TBCD: variants seen among roughly 807,000 people sequenced by gnomAD.
The protein encoded by TBCD is tubulin folding cofactor D.
In TBCD, 105 loss-of-function variants were observed where a neutral mutation model predicts 169.3. That is an observed-to-expected ratio of 0.62 (90% CI 0.53 to 0.73). The LOEUF (loss-of-function observed/expected upper bound fraction) is 0.73. Ranked by LOEUF, TBCD falls within the 30% of genes least tolerant of loss-of-function variation. The probability of loss-of-function intolerance (pLI) is 0.00; values close to 1 mark genes in which losing one functional copy is unlikely to be tolerated. For missense variants in TBCD, 1,444 were observed against 1,600.1 expected (o/e 0.90, Z 1.66); for synonymous variants, 700 against 643.9 (o/e 1.09, Z -1.32).
intron 13 of TBCD, among the ~76,000 whole-genome samples, chr17:82,824,997 C>G (rs1033474652): frequency 6.6e-6 from 1 of 151,722 alleles, no homozygotes; most frequent in Non-Finnish European, 1.5e-5. Context: ...TAGAGATAGA[C>G]ACAAAGGGCT....
chr17:82,809,510 T>C (rs2051271535), intron 11 of TBCD, among the ~76,000 whole-genome samples, 198 bp from the exon 12 acceptor site: 1 of 152,180 alleles, frequency 6.6e-6, no homozygotes, highest in African/African-American at 2.4e-5. Context: ...CCCCTTTGAA[T>C]CTGGCTGCAG....
At chr17:82,763,435 G>GT (rs1397298054) in intron 2 of TBCD, among the ~76,000 whole-genome samples, 2 of 151,962 alleles carry the variant, frequency 1.3e-5, no homozygotes, top group Admixed American at 1.3e-4. Flanking sequence ...GTTTGTTTTT[G>GT]TTTTTTAAGA....
rs1353191780 is a variant in TBCD at position 82,923,848 on chromosome 17, C to G, written c.2260+115C>G. On this transcript the variant is annotated intron_variant, in intron 26 of 38. Coordinates refer to ENST00000355528, the MANE Select transcript of TBCD (RefSeq NM_005993.5). The surrounding 1 kb of genome is among the most constrained non-coding windows in gnomAD (Gnocchi z 4.6). Reference sequence around the variant, plus strand: ...TGCAGTGGAGCAGAGCCACCACGATCATGGCTGGAGTGGGACTGTTCGGGT... The same window carrying G: ...TGCAGTGGAGCAGAGCCACCACGATGATGGCTGGAGTGGGACTGTTCGGGT... 1.2e-6 allele frequency: 1 copy of G among 837,482 alleles called. No homozygotes were observed. The highest frequency in any genetic ancestry group is 1.9e-6 in the Non-Finnish European group (1 of 538,218). The allele number at this position is 837,482 out of a possible 1,614,324, so 51.9% of individuals were successfully genotyped here.
chr17:82,853,498 G>A (rs1448684528), intron 13 of TBCD, among the ~76,000 whole-genome samples: 1 of 152,016 alleles, frequency 6.6e-6, no homozygotes, highest in East Asian at 1.9e-4. Context: ...GAACTCATGG[G>A]CTAGATCCAT....
In TBCD at chr17:82,911,767, A is replaced by G. The variant is rs773620251; in HGVS notation, c.2016A>G (p.Gly672=). The stretch of plus-strand genomic sequence containing the variant: ...TTTCATTCCTTTTCAGGGGTCTGGG[A>G]GGACAGCTCATGAGACAAGCAGGTA... ...LYDRQLYRGL[G]GQLMRQAVCV... The change falls in exon 23 of 39, where the codon GGA becomes GGG. Residue 672 remains glycine, a synonymous_variant. Transcript: ENST00000355528. 2 of 1,613,754 alleles carry G rather than the reference A, an allele frequency of 1.2e-6. No homozygotes were observed. Among genetic ancestry groups the G allele is most frequent in the East Asian group, 2.2e-5 (1 of 44,896 alleles).
intron 34 of TBCD, among the ~76,000 whole-genome samples, chr17:82,933,324 G>T (rs1383768743): frequency 2.0e-5 from 3 of 148,766 alleles, no homozygotes; most frequent in Non-Finnish European, 4.4e-5. Flanking sequence ...TCCCAGGCTG[G>T]AGTGCAGTGG....
At chr17:82,758,111 G>A (rs970050706) in intron 2 of TBCD, among the ~76,000 whole-genome samples, 1 of 151,914 alleles carries the variant, frequency 6.6e-6, no homozygotes, top group East Asian at 1.9e-4. Flanking sequence ...GTTTTTCGCC[G>A]GGTGTGGTGG....
At chr17:82,770,139 T>A (rs1246287014) in intron 5 of TBCD, among the ~76,000 whole-genome samples, 3 of 152,214 alleles carry the variant, frequency 2.0e-5, no homozygotes, top group African/African-American at 7.2e-5. Flanking sequence ...CATGACCTGC[T>A]GTTCTGAGTC....
rs2063535086 is a variant in TBCD, at chr17:82,944,442, C to T, written c.*1979C>T. The T allele has an allele frequency of 6.6e-6, 1 of 152,186 alleles. No individual in the cohort carries two copies. Among genetic ancestry groups the T allele is most frequent in the Non-Finnish European group, 1.5e-5 (1 of 68,052 alleles). 9.4% of individuals were successfully genotyped at this position (152,186 alleles called of 1,614,324 possible). Reference sequence around the variant, plus strand: ...GCTGGGGCAGACAATAGCAAATGAACAAGCAAGCACCATCAAGGCAGGCAA... The same window carrying T: ...GCTGGGGCAGACAATAGCAAATGAATAAGCAAGCACCATCAAGGCAGGCAA... On this transcript the variant is annotated 3_prime_UTR_variant, in exon 39 of 39. Transcript: ENST00000355528.
At chr17:82,937,204 CAG>C (rs2062703814) in intron 34 of TBCD, 65 bp from the exon 35 acceptor site, 25 of 1,465,154 alleles carry the variant, frequency 1.7e-5, no homozygotes, top group Non-Finnish European at 2.2e-5. Flanking sequence ...TTCTTTGAGA[CAG>C]AAAAAGTGTG....
intron 14 of TBCD, among the ~76,000 whole-genome samples, chr17:82,872,327 T>C (rs924246018): frequency 3.9e-5 from 6 of 152,224 alleles, no homozygotes; most frequent in African/African-American, 1.4e-4. Flanking sequence ...CTGGGGTGGC[T>C]GAGAGCGGCT....
At position 82,832,627 on chromosome 17, in the gene TBCD, C is replaced by T. The variant is rs149771609; in HGVS notation, c.1318+17693C>T. 9.9e-4 allele frequency: 653 copies of T among 658,664 alleles called. 1 individual carries two copies. The African/African-American group carries it at 0.01, about 10-fold the overall frequency. 40.8% of individuals were successfully genotyped at this position (658,664 alleles called of 1,614,324 possible). A position where few individuals can be genotyped will look rare whatever the true frequency, so the allele number is the denominator to read the frequency against. On this transcript the variant is annotated intron_variant, in intron 13 of 38. Transcript: ENST00000355528. The surrounding 1 kb of genome is among the most constrained non-coding windows in gnomAD (Gnocchi z 4.9). ...TCTGGCGAGAGCCTCCGTCATCTGGCGGCTGGGAGCTGTAATAAAGAGCAG... is the reference window on the plus strand; with the variant it reads ...TCTGGCGAGAGCCTCCGTCATCTGGTGGCTGGGAGCTGTAATAAAGAGCAG...
chr17:82,933,259 C>T (rs6502017), intron 34 of TBCD, among the ~76,000 whole-genome samples: 73,094 of 146,446 alleles, frequency 0.5, 18,472 homozygotes, highest in East Asian at 0.65. Context: ...TGAATTTCAC[C>T]GTGTTGGGCC....
At chr17:82,801,734 A>G (rs658809) in intron 9 of TBCD, among the ~76,000 whole-genome samples, 49,013 of 80,420 alleles carry the variant, frequency 0.61, 11,761 homozygotes, top group African/African-American at 0.71. Context: ...CAGGAGGGTG[A>G]CGTGTGCGTG....
chr17:82,782,687 C>G lies in TBCD; in HGVS notation c.771+966C>G, dbSNP rs529257065. Among the ~76,000 whole-genome samples the G allele has an allele frequency of 3.3e-5, 5 of 152,258 alleles. No homozygotes were observed. In the South Asian group the frequency reaches 1.0e-3, roughly 32 times the overall value. On this transcript the variant is annotated intron_variant, in intron 7 of 38. Coordinates refer to ENST00000355528, the MANE Select transcript of TBCD (RefSeq NM_005993.5). The surrounding 1 kb of genome is among the most constrained non-coding windows in gnomAD (Gnocchi z 5.1). ...GTTTTAGGGGAGATGATGAGTGCCA[C>G]CTCGCCACGGCGTCCTCCTGTCCGT...
chr17:82,832,682 C>A lies in TBCD; in HGVS notation c.1318+17748C>A. The A allele has an allele frequency of 3.4e-6, 2 of 581,218 alleles. No homozygotes were observed. The highest frequency in any genetic ancestry group is 6.1e-6 in the Non-Finnish European group (2 of 327,330). The allele number at this position is 581,218 out of a possible 1,614,324, so 36.0% of individuals were successfully genotyped here. A position where few individuals can be genotyped will look rare whatever the true frequency, so the allele number is the denominator to read the frequency against. ...GGTGTCAGGACAGCGAGTGAGGGGTCGGCGAGAAGCCGGCCTCGGCTCGCC... is the reference window on the plus strand; with the variant it reads ...GGTGTCAGGACAGCGAGTGAGGGGTAGGCGAGAAGCCGGCCTCGGCTCGCC... On this transcript the variant is annotated intron_variant, in intron 13 of 38. Coordinates refer to ENST00000355528, the MANE Select transcript of TBCD (RefSeq NM_005993.5). The surrounding 1 kb of genome is among the most constrained non-coding windows in gnomAD (Gnocchi z 4.9).
At position 82,779,634 on chromosome 17, in the gene TBCD, G is replaced by A. The variant is rs2048815934; in HGVS notation, c.639-1955G>A. 2.6e-5 allele frequency among the ~76,000 whole-genome samples: 4 copies of A among 152,340 alleles called. No homozygotes were observed. The South Asian group carries it at 8.3e-4, about 32-fold the overall frequency. Reference sequence around the variant, plus strand: ...GATGGCACGTGCGTGGCTGTCTCCTGTGTGTTAAGTGCCCTGAGAGGGCTT... The same window carrying A: ...GATGGCACGTGCGTGGCTGTCTCCTATGTGTTAAGTGCCCTGAGAGGGCTT... On this transcript the variant is annotated intron_variant, in intron 6 of 38. Coordinates refer to ENST00000355528, the MANE Select transcript of TBCD (RefSeq NM_005993.5).
chr17:82,932,999 T>G lies in TBCD; in HGVS notation c.3191+264T>G, dbSNP rs1052476296. 4.5e-5 allele frequency: 22 copies of G among 484,784 alleles called. 1 individual carries two copies. Among genetic ancestry groups the G allele is most frequent in the African/African-American group, 4.4e-4 (22 of 50,512 alleles). The allele number at this position is 484,784 out of a possible 1,614,324, so 30.0% of individuals were successfully genotyped here. ...GAGGCGGGGGCCCTGCTGTGCACTC[T>G]CCCCCCAGCTATCCCACCGGGCCAG... On this transcript the variant is annotated intron_variant, in intron 34 of 38. Transcript: ENST00000355528.
chr17:82,878,803 C>G (rs1265540479), intron 14 of TBCD, among the ~76,000 whole-genome samples: 1 of 152,140 alleles, frequency 6.6e-6, no homozygotes. Flanking sequence ...GTTCCTGTGT[C>G]CCCACCCCGA....
Sources: gnomAD v4.1 joint callset for allele counts (sites outside exome capture counted in the v4.1 genomes callset) on GRCh38, gnomAD v4.1.1 for gene constraint, Gnocchi (gnomAD v3.1) non-coding constraint, MANE v1.5 for transcripts, NCBI Gene and HGNC (gene_info 2026-07-23, HGNC 2026-07-21) for gene names.